The following NALCN variants were observed in gnomAD, a reference collection of about 807,000 sequenced individuals.
The protein encoded by NALCN is sodium leak channel, non-selective, also known as sodium leak channel NALCN.
In NALCN, 111 loss-of-function variants were observed where a neutral mutation model predicts 225.3. That is an observed-to-expected ratio of 0.49 (90% CI 0.42 to 0.58). The LOEUF is 0.58. NALCN is among the 20% of genes least tolerant of loss of function. NALCN has a pLI of 0.00. For missense variants in NALCN, 1,378 were observed against 2,202.4 expected (o/e 0.63, Z 7.49); for synonymous variants, 764 against 769.0 (o/e 0.99, Z 0.11).
chr13:101,212,966 C>T (rs542026736), intron 13 of NALCN, among the ~76,000 whole-genome samples: 1 of 151,926 alleles, frequency 6.6e-6, no homozygotes, highest in Non-Finnish European at 1.5e-5. Context: ...CATATGGAAC[C>T]AAAAAAGAGC....
At chr13:101,343,978 T>C (rs2045637797) in intron 7 of NALCN, among the ~76,000 whole-genome samples, 1 of 152,178 alleles carries the variant, frequency 6.6e-6, no homozygotes. Context: ...CCACTCTCCA[T>C]AGAAGACATG....
intron 7 of NALCN, among the ~76,000 whole-genome samples, chr13:101,336,752 A>G (rs990852077): frequency 2.6e-5 from 4 of 152,196 alleles, no homozygotes; most frequent in African/African-American, 9.7e-5. Context: ...ACCTTGTATA[A>G]ATTTGTTGGT....
intron 12 of NALCN, among the ~76,000 whole-genome samples, chr13:101,235,539 T>G (rs771488834): frequency 1.3e-5 from 2 of 152,222 alleles, no homozygotes; most frequent in Non-Finnish European, 2.9e-5. Context: ...TAGAGAGCAG[T>G]GCACAAGAGC....
chr13:101,340,502 T>G (rs1594706773), intron 7 of NALCN, among the ~76,000 whole-genome samples: 2 of 152,338 alleles, frequency 1.3e-5, no homozygotes, highest in Middle Eastern at 6.8e-3. Context: ...TAGTTCATTC[T>G]GCGTTTGTTC....
At chr13:101,315,008 G>A (rs1163445846) in intron 7 of NALCN, among the ~76,000 whole-genome samples, 1 of 2,418 alleles carries the variant, frequency 4.1e-4, no homozygotes, top group Non-Finnish European at 1.8e-3. Flanking sequence ...GGCTTACAAA[G>A]GAAAAGGGTT....
chr13:101,092,064 T>A (rs937613784), intron 28 of NALCN, among the ~76,000 whole-genome samples: 1 of 152,144 alleles, frequency 6.6e-6, no homozygotes, highest in Non-Finnish European at 1.5e-5. Context: ...AAATCCCAAA[T>A]GCCATCTATT....
chr13:101,364,326 C>T (rs947495837), intron 6 of NALCN, among the ~76,000 whole-genome samples: 1 of 151,990 alleles, frequency 6.6e-6, no homozygotes, highest in Non-Finnish European at 1.5e-5. Flanking sequence ...ACCTAACTGC[C>T]CACCAATGGA....
chr13:101,387,244 A>AC (rs1257695225), intron 3 of NALCN, among the ~76,000 whole-genome samples: 2 of 150,092 alleles, frequency 1.3e-5, no homozygotes, highest in African/African-American at 4.9e-5. Context: ...AAAAAAAAAA[A>AC]AAAAAAAAAA....
At chr13:101,121,896 C>G (rs1340380920) in intron 18 of NALCN, among the ~76,000 whole-genome samples, 1 of 151,522 alleles carries the variant, frequency 6.6e-6, no homozygotes, top group Non-Finnish European at 1.5e-5. Context: ...TTTTCTCCTT[C>G]CCAATTTTGT....
At chr13:101,057,401 T>C (rs2031396438) in intron 43 of NALCN, 2 of 158,410 alleles carry the variant, frequency 1.3e-5, no homozygotes, top group African/African-American at 4.8e-5. Flanking sequence ...GTAATGCACT[T>C]AGAAGAGTGA....
chr13:101,078,829 C>T (rs1167024411), intron 34 of NALCN, among the ~76,000 whole-genome samples: 1 of 152,180 alleles, frequency 6.6e-6, no homozygotes, highest in Non-Finnish European at 1.5e-5. Flanking sequence ...TATGGTTTAA[C>T]TGTGTCCCCA....
At chr13:101,172,039 C>A (rs950817670) in intron 15 of NALCN, among the ~76,000 whole-genome samples, 2 of 152,194 alleles carry the variant, frequency 1.3e-5, no homozygotes, top group African/African-American at 4.8e-5. Context: ...ATGCACAATT[C>A]TCTTCCAGCT....
At chr13:101,158,038 C>A (rs1001785572) in intron 15 of NALCN, among the ~76,000 whole-genome samples, 1 of 152,126 alleles carries the variant, frequency 6.6e-6, no homozygotes, top group Admixed American at 6.5e-5. Flanking sequence ...GGGTGAGCAA[C>A]CAACTGTCTT....
At chr13:101,107,664 A>T (rs191466091) in intron 21 of NALCN, 34 bp downstream of exon 21, 1 of 1,613,900 alleles carries the variant, frequency 6.2e-7, no homozygotes, top group East Asian at 2.2e-5. Context: ...GCCATTCCCG[A>T]ATGAGAGCCA....
rs555274352 is a variant in NALCN, at chr13:101,178,026, TCACCATGACTGGTA to T, written c.1765-1666_1765-1653del. On this transcript the variant is annotated intron_variant, in intron 14 of 43. Coordinates refer to ENST00000251127, the MANE Select transcript of NALCN (RefSeq NM_052867.4). ...CTAGACCAGAGGGTTTTTATTAACA[TCACCATGACTGGTA>T]CACCACTGGTAACTGGGCATCAGGC... 5.9e-3 allele frequency among the ~76,000 whole-genome samples: 897 copies of T among 152,296 alleles called. 3 individuals are homozygous for T. The highest frequency in any genetic ancestry group is 0.011 in the Admixed American group (163 of 15,292).
chr13:101,402,002 T>C (rs977703611), intron 1 of NALCN, among the ~76,000 whole-genome samples: 1 of 152,238 alleles, frequency 6.6e-6, no homozygotes, highest in African/African-American at 2.4e-5. Context: ...TATGCCTTCA[T>C]TCATGTTGAA....
At chr13:101,100,708 G>C in intron 27 of NALCN, 76 bp downstream of exon 27, 1 of 1,255,330 alleles carries the variant, frequency 8.0e-7, no homozygotes. Flanking sequence ...GCATTCCAAA[G>C]TGCTAGGATT....
chr13:101,318,596 A>C (rs1241261384), intron 7 of NALCN, among the ~76,000 whole-genome samples: 44 of 152,354 alleles, frequency 2.9e-4, no homozygotes, highest in Non-Finnish European at 1.5e-5. Flanking sequence ...TCTTGAGCAG[A>C]AAAATGTAAT....
intron 10 of NALCN, among the ~76,000 whole-genome samples, chr13:101,277,956 G>A (rs1312062472): frequency 6.6e-6 from 1 of 152,136 alleles, no homozygotes; most frequent in East Asian, 1.9e-4. Flanking sequence ...TTTATTGCCA[G>A]ATCATTCTCT....
Sources: gnomAD v4.1 joint callset for allele counts (sites outside exome capture counted in the v4.1 genomes callset) on GRCh38, gnomAD v4.1.1 for gene constraint, MANE v1.5 for transcripts, NCBI Gene and HGNC (gene_info 2026-07-23, HGNC 2026-07-21) for gene names.